ULK2: variants seen among roughly 807,000 people sequenced by gnomAD.
ULK2 encodes unc-51 like autophagy activating kinase 2, also known as serine/threonine-protein kinase ULK2.
A neutral mutation model predicts 127.5 loss-of-function variants in ULK2; 76 were observed. The ratio of observed to expected loss-of-function variants is 0.60; its 90% CI spans 0.50 to 0.72. The LOEUF (loss-of-function observed/expected upper bound fraction) is 0.72, where lower values mean the gene tolerates loss of function less well. ULK2 is among the 30% of genes least tolerant of loss of function. ULK2 has a pLI of 0.00. For synonymous variants in ULK2, 452 were observed against 461.9 expected (o/e 0.98, Z 0.28); for missense variants, 1,144 against 1,295.9 (o/e 0.88, Z 1.80).
At chr17:19,862,581 T>A (rs865811568) in intron 3 of ULK2, among the ~76,000 whole-genome samples, 13 of 151,982 alleles carry the variant, frequency 8.6e-5, no homozygotes, top group South Asian at 2.1e-4. Flanking sequence ...TTCTCCTGCC[T>A]CAGGCTCCTG....
At chr17:19,840,013 C>A (rs2041701117) in intron 9 of ULK2, 2 of 291,090 alleles carry the variant, frequency 6.9e-6, no homozygotes, top group Non-Finnish European at 1.3e-5. Context: ...TTTGCAGTAA[C>A]CAAAAAAATG....
chr17:19,801,740 A>G (rs1026876734), intron 16 of ULK2, 37 bp downstream of exon 16: 23 of 1,606,718 alleles, frequency 1.4e-5, no homozygotes. Context: ...TACAGTGAAA[A>G]AAAGGTTGAA....
intron 3 of ULK2, among the ~76,000 whole-genome samples, chr17:19,855,403 C>CAA (rs1048908396): frequency 3.7e-5 from 5 of 133,818 alleles, no homozygotes; most frequent in African/African-American, 1.1e-4. Flanking sequence ...AACTCCATCT[C>CAA]AAAAAAAAAA....
intron 3 of ULK2, among the ~76,000 whole-genome samples, chr17:19,861,240 T>C (rs1362692782): frequency 4.6e-5 from 7 of 152,156 alleles, no homozygotes; most frequent in Admixed American, 6.6e-5. Context: ...ATACTTTTCA[T>C]TCTGATAGAA....
chr17:19,826,021 T>A, intron 11 of ULK2, 118 bp downstream of exon 11: 1 of 290,874 alleles, frequency 3.4e-6, no homozygotes. Context: ...AATAAATAAA[T>A]AAATTCAATG....
chr17:19,828,591 A>G (rs1484775155), intron 10 of ULK2, among the ~76,000 whole-genome samples: 1 of 152,224 alleles, frequency 6.6e-6, no homozygotes. Flanking sequence ...TATACACAGA[A>G]GGAAATGAGA....
intron 5 of ULK2, among the ~76,000 whole-genome samples, chr17:19,848,637 T>C (rs974236637): frequency 6.6e-6 from 1 of 151,912 alleles, no homozygotes; most frequent in African/African-American, 2.4e-5. Context: ...ATTAGCTGTG[T>C]GTGGAGGTAT....
At chr17:19,777,920 C>T (rs1488271094) in intron 25 of ULK2, among the ~76,000 whole-genome samples, 1 of 152,202 alleles carries the variant, frequency 6.6e-6, no homozygotes, top group Non-Finnish European at 1.5e-5. Flanking sequence ...GGTCTGCTTT[C>T]AAACACAGCC....
At chr17:19,864,410 A>G (rs281344) in intron 3 of ULK2, among the ~76,000 whole-genome samples, 21,809 of 151,778 alleles carry the variant, frequency 0.14, 3,102 homozygotes, top group East Asian at 0.39. Flanking sequence ...GGGAGGTAGC[A>G]GTTGCAGTGA....
intron 17 of ULK2, 117 bp from the exon 18 acceptor site, chr17:19,797,799 A>G: frequency 2.9e-6 from 3 of 1,035,916 alleles, no homozygotes; most frequent in Non-Finnish European, 3.9e-6. Flanking sequence ...ATTTTTCATA[A>G]GACATTCTAA....
In ULK2 at chr17:19,813,044, C is replaced by T. The variant is rs77589094; in HGVS notation, c.1097-2606G>A. Among the ~76,000 whole-genome samples, 737 of 152,258 alleles carry T rather than the reference C, an allele frequency of 4.8e-3. 25 individuals carry two copies. In the East Asian group the frequency reaches 0.089, roughly 18 times the overall value. On this transcript the variant is annotated intron_variant, in intron 13 of 26. Transcript: ENST00000395544. Reference sequence around the variant, plus strand: ...AGATTAGTGGAAAAGAGTTATTAAACGAAATTTTACACTGACTATTGAGAA... The same window carrying T: ...AGATTAGTGGAAAAGAGTTATTAAATGAAATTTTACACTGACTATTGAGAA...
chr17:19,803,684 G>T (rs1279598086), intron 15 of ULK2, among the ~76,000 whole-genome samples: 1 of 152,088 alleles, frequency 6.6e-6, no homozygotes, highest in African/African-American at 2.4e-5. Context: ...TGGAATGGAA[G>T]GTGTGTAATA....
intron 9 of ULK2, among the ~76,000 whole-genome samples, chr17:19,838,957 G>T (rs2041667038): frequency 6.6e-6 from 1 of 151,788 alleles, no homozygotes; most frequent in Non-Finnish European, 1.5e-5. Context: ...CATAAACCCG[G>T]GAGGTGGAGC....
intron 3 of ULK2, among the ~76,000 whole-genome samples, chr17:19,850,685 C>T (rs930464831): frequency 1.3e-5 from 2 of 151,862 alleles, no homozygotes; most frequent in African/African-American, 2.4e-5. Flanking sequence ...ATTAGCCGGG[C>T]GTGGTGGCGG....
At chr17:19,821,097 A>G (rs889313034) in intron 12 of ULK2, among the ~76,000 whole-genome samples, 3 of 152,212 alleles carry the variant, frequency 2.0e-5, no homozygotes, top group African/African-American at 7.2e-5. Context: ...ACCTGAGATC[A>G]GGAGTTCGAG....
At chr17:19,816,271 T>C (rs1274187527) in intron 13 of ULK2, among the ~76,000 whole-genome samples, 2 of 152,232 alleles carry the variant, frequency 1.3e-5, no homozygotes, top group African/African-American at 4.8e-5. Context: ...CCCTTCACTA[T>C]TCCAAAGTAC....
At chr17:19,824,582 T>G (rs1257199337) in intron 12 of ULK2, among the ~76,000 whole-genome samples, 2 of 151,232 alleles carry the variant, frequency 1.3e-5, no homozygotes, top group African/African-American at 4.9e-5. Context: ...AGAAAATGCC[T>G]TGGGAGCTTC....
chr17:19,779,637 G>A (rs1188402456), intron 25 of ULK2, among the ~76,000 whole-genome samples: 1 of 150,398 alleles, frequency 6.6e-6, no homozygotes, highest in East Asian at 1.9e-4. Flanking sequence ...TTATACTTTA[G>A]AGTAATTTTT....
At chr17:19,833,545 T>C (rs1275385389) in intron 10 of ULK2, among the ~76,000 whole-genome samples, 1 of 151,548 alleles carries the variant, frequency 6.6e-6, no homozygotes, top group South Asian at 2.1e-4. Flanking sequence ...CCCGACTCTA[T>C]TAAAAACACA....
Sources: gnomAD v4.1 joint callset for allele counts (sites outside exome capture counted in the v4.1 genomes callset) on GRCh38, gnomAD v4.1.1 for gene constraint, MANE v1.5 for transcripts, NCBI Gene and HGNC (gene_info 2026-07-23, HGNC 2026-07-21) for gene names.